IL1RAPL1: variants seen among roughly 807,000 people sequenced by gnomAD.
The protein encoded by IL1RAPL1 is interleukin-1 receptor accessory protein-like 1.
Under a neutral mutation model 48.4 loss-of-function variants are expected in IL1RAPL1, and 3 were observed. The ratio of observed to expected loss-of-function variants is 0.06; its 90% CI spans 0.03 to 0.16. The LOEUF is 0.16. Among genes scored for constraint, IL1RAPL1 ranks in the 10% least tolerant of loss-of-function variants. The pLI is 1.00. For synonymous variants in IL1RAPL1, 185 were observed against 187.7 expected (o/e 0.99, Z 0.12); for missense variants, 349 against 530.6 (o/e 0.66, Z 3.36).
At chrX:29,198,117 A>G (rs1427649137) in intron 2 of IL1RAPL1, among the ~76,000 whole-genome samples, 1 of 111,267 alleles carries the variant, frequency 9.0e-6, no homozygotes, top group Non-Finnish European at 1.9e-5. Context: ...AATTAAAGTA[A>G]CAGAATAGAG....
intron 2 of IL1RAPL1, among the ~76,000 whole-genome samples, chrX:28,920,371 T>C (rs1176006542): frequency 1.8e-5 from 2 of 112,070 alleles, no homozygotes; most frequent in Non-Finnish European, 1.9e-5. Context: ...GTTTCAATGA[T>C]GTGGGTGTTT....
chrX:29,753,222 C>T (rs1287734001), intron 6 of IL1RAPL1, among the ~76,000 whole-genome samples: 7 of 111,491 alleles, frequency 6.3e-5, no homozygotes, highest in Non-Finnish European at 1.1e-4. Flanking sequence ...CTGTTACAAC[C>T]TCACTCTAGT....
At chrX:28,828,955 C>T (rs1205290098) in intron 2 of IL1RAPL1, among the ~76,000 whole-genome samples, 2 of 111,809 alleles carry the variant, frequency 1.8e-5, no homozygotes, top group East Asian at 5.6e-4. Context: ...AGGGTATTTC[C>T]ACTGTAATAG....
chrX:29,163,948 A>G (rs1929735690), intron 2 of IL1RAPL1, among the ~76,000 whole-genome samples: 1 of 111,692 alleles, frequency 9.0e-6, no homozygotes, highest in African/African-American at 3.2e-5. Context: ...GTATATGTCC[A>G]TAGAGGTCCA....
In IL1RAPL1 at chrX:29,113,202, G is replaced by A. The variant is rs1368274245; in HGVS notation, c.83-169736G>A. Among the ~76,000 whole-genome samples the A allele has an allele frequency of 3.6e-5, 4 of 112,143 alleles. No individual in the cohort carries two copies. The Admixed American group carries it at 3.8e-4, about 11-fold the overall frequency. On this transcript the variant is annotated intron_variant, in intron 2 of 10. Transcript: ENST00000378993. The stretch of plus-strand genomic sequence containing the variant: ...GTGAAAACTAGTCATTTAGCCCTAT[G>A]TAAATGAAAAGATTGCTGGGAAATG...
At chrX:29,392,120 T>C (rs761022999) in intron 3 of IL1RAPL1, among the ~76,000 whole-genome samples, 1 of 111,993 alleles carries the variant, frequency 8.9e-6, no homozygotes, top group African/African-American at 3.2e-5. Flanking sequence ...TAAATAACTC[T>C]GTTTTCTCTG....
At chrX:28,850,787 A>G (rs1339650735) in intron 2 of IL1RAPL1, among the ~76,000 whole-genome samples, 5 of 108,324 alleles carry the variant, frequency 4.6e-5, no homozygotes, top group African/African-American at 1.7e-4. Context: ...TTTGGCCACA[A>G]GTTTTAAAAA....
intron 2 of IL1RAPL1, among the ~76,000 whole-genome samples, chrX:28,960,935 A>G (rs1342166844): frequency 1.2e-4 from 12 of 96,589 alleles, no homozygotes; most frequent in Non-Finnish European, 2.4e-4. Context: ...GTGTGAACCC[A>G]GGAGACGGAG....
At chrX:29,360,690 A>G (rs1933364290) in intron 3 of IL1RAPL1, among the ~76,000 whole-genome samples, 2 of 111,680 alleles carry the variant, frequency 1.8e-5, no homozygotes, top group Admixed American at 1.9e-4. Context: ...AGGATTTTAA[A>G]ATTTGAGTTT....
chrX:29,372,951 T>C (rs1933566553), intron 3 of IL1RAPL1, among the ~76,000 whole-genome samples: 1 of 110,553 alleles, frequency 9.0e-6, no homozygotes, highest in South Asian at 3.8e-4. Flanking sequence ...GTTTTTCTAA[T>C]TCTGTGAAAA....
intron 1 of IL1RAPL1, among the ~76,000 whole-genome samples, chrX:28,634,827 A>C (rs758027313): frequency 9.1e-6 from 1 of 110,426 alleles, no homozygotes; most frequent in Non-Finnish European, 1.9e-5. Context: ...CTTTTTAATT[A>C]ATATTTGTTC....
chrX:29,836,437 C>T (rs1008007797), intron 6 of IL1RAPL1, among the ~76,000 whole-genome samples: 1 of 111,562 alleles, frequency 9.0e-6, no homozygotes, highest in African/African-American at 3.3e-5. Context: ...CATCCGCCCG[C>T]CTTGGCCTCC....
chrX:29,767,566 C>T (rs1463909367), intron 6 of IL1RAPL1, among the ~76,000 whole-genome samples: 1 of 111,341 alleles, frequency 9.0e-6, no homozygotes, highest in Non-Finnish European at 1.9e-5. Flanking sequence ...AATTGCTAAC[C>T]AAGTGATATA....
At chrX:29,654,520 C>T (rs1164669760) in intron 5 of IL1RAPL1, among the ~76,000 whole-genome samples, 2 of 111,682 alleles carry the variant, frequency 1.8e-5, no homozygotes, top group Admixed American at 1.9e-4. Flanking sequence ...GGCAAGAAAG[C>T]TTGTGTAGAG....
At chrX:28,755,074 A>G (rs1936091646) in intron 1 of IL1RAPL1, among the ~76,000 whole-genome samples, 1 of 111,398 alleles carries the variant, frequency 9.0e-6, no homozygotes, top group Non-Finnish European at 1.9e-5. Context: ...GCTCACCGCA[A>G]CCTCTGCCTC....
At chrX:28,839,540 T>C (rs1398107181) in intron 2 of IL1RAPL1, among the ~76,000 whole-genome samples, 1 of 110,350 alleles carries the variant, frequency 9.1e-6, no homozygotes, top group Non-Finnish European at 1.9e-5. Context: ...TAATTATATG[T>C]GATACCAAAT....
chrX:29,869,602 A>G (rs1458616947), intron 6 of IL1RAPL1, among the ~76,000 whole-genome samples: 2 of 111,552 alleles, frequency 1.8e-5, no homozygotes, highest in East Asian at 2.8e-4. Flanking sequence ...ACTTCTTGCC[A>G]CAGTTATCTC....
intron 1 of IL1RAPL1, among the ~76,000 whole-genome samples, chrX:28,687,730 G>C (rs371931881): frequency 2.8e-5 from 3 of 108,584 alleles, no homozygotes; most frequent in Admixed American, 9.8e-5. Context: ...TGCAGTGAGC[G>C]GAGATTGCAC....
chrX:29,582,230 A>G (rs906188633), intron 5 of IL1RAPL1, among the ~76,000 whole-genome samples: 1 of 111,579 alleles, frequency 9.0e-6, no homozygotes, highest in African/African-American at 3.2e-5. Context: ...ACCCCAAGTT[A>G]TATGTAGGAG....
Sources: gnomAD v4.1 joint callset for allele counts (sites outside exome capture counted in the v4.1 genomes callset) on GRCh38, gnomAD v4.1.1 for gene constraint, MANE v1.5 for transcripts, NCBI Gene and HGNC (gene_info 2026-07-23, HGNC 2026-07-21) for gene names.